The following CHN1 variants were observed in gnomAD, a reference collection of about 807,000 sequenced individuals.
The protein encoded by CHN1 is N-chimaerin.
CHN1 carries 37 observed loss-of-function variants against 59.5 expected under a neutral mutation model. That is an observed-to-expected ratio of 0.62 (90% confidence interval 0.48 to 0.82). The LOEUF (loss-of-function observed/expected upper bound fraction) is 0.82, where lower values mean the gene tolerates loss of function less well. CHN1 is among the 40% of genes least tolerant of loss of function. The pLI is 0.00. For synonymous variants in CHN1, 206 were observed against 200.4 expected, an observed-to-expected ratio of 1.03 and a Z score of -0.24; for missense variants, 469 against 571.0, an observed-to-expected ratio of 0.82 and a Z score of 1.82.
intron 7 of CHN1, among the ~76,000 whole-genome samples, chr2:174,831,107 A>G (rs1227134538): frequency 6.6e-6 from 1 of 152,230 alleles, no homozygotes; most frequent in Non-Finnish European, 1.5e-5. Flanking sequence ...AGGGCAATAC[A>G]GTAATTTAGT....
At chr2:174,882,990 C>A (rs1687780597) in intron 5 of CHN1, among the ~76,000 whole-genome samples, 1 of 152,298 alleles carries the variant, frequency 6.6e-6, no homozygotes, top group Admixed American at 6.5e-5. Flanking sequence ...TCTTGCTATA[C>A]AATTTTGGAT....
chr2:174,878,247 A>C, intron 5 of CHN1, 119 bp from the exon 6 acceptor site: 1 of 901,020 alleles, frequency 1.1e-6, no homozygotes, highest in Non-Finnish European at 1.6e-6. Flanking sequence ...TTCTTTGTTT[A>C]AATAAGCTGT....
intron 5 of CHN1, among the ~76,000 whole-genome samples, chr2:174,903,462 T>G (rs1221882256): frequency 6.6e-6 from 1 of 152,160 alleles, no homozygotes; most frequent in East Asian, 1.9e-4. Flanking sequence ...AGAAGTATAT[T>G]TTATGCATGA....
chr2:174,970,645 GGAT>G (rs1248639061), intron 1 of CHN1, among the ~76,000 whole-genome samples: 1 of 152,116 alleles, frequency 6.6e-6, no homozygotes, highest in Non-Finnish European at 1.5e-5. Context: ...GACAAACGTA[GGAT>G]AATACAGTAT....
intron 5 of CHN1, among the ~76,000 whole-genome samples, chr2:174,890,103 T>C (rs921895088): frequency 6.6e-6 from 1 of 152,144 alleles, no homozygotes. Flanking sequence ...GTAAATGGAT[T>C]AAACTCTCCA....
chr2:174,895,924 T>C (rs532525299), intron 5 of CHN1, among the ~76,000 whole-genome samples: 11 of 152,090 alleles, frequency 7.2e-5, no homozygotes, highest in East Asian at 3.8e-4. Context: ...AATCAAGACA[T>C]TGAAACATTT....
intron 9 of CHN1, 56 bp from the exon 10 acceptor site, chr2:174,811,644 C>A: frequency 9.4e-7 from 1 of 1,063,516 alleles, no homozygotes; most frequent in South Asian, 1.5e-5. Context: ...CAGATTTTAA[C>A]TCCTCACACT....
chr2:174,944,944 C>G lies in CHN1; in HGVS notation c.59-1G>C. ...GGGGCTTCCTGTTGTAGCTGATATA[C>G]TGTGAGAAGGTAGAAACAAAAAGTG... On this transcript the variant is annotated splice_acceptor_variant, in intron 2 of 12. Transcript: ENST00000409900. LOFTEE classifies it high-confidence loss of function. 1 of 1,569,316 alleles carries G rather than the reference C, an allele frequency of 6.4e-7. No individual in the cohort carries two copies. The highest frequency in any genetic ancestry group is 8.7e-7 in the Non-Finnish European group (1 of 1,155,146).
At chr2:174,925,482 C>T (rs1330684468) in intron 3 of CHN1, among the ~76,000 whole-genome samples, 1 of 152,208 alleles carries the variant, frequency 6.6e-6, no homozygotes, top group East Asian at 1.9e-4. Flanking sequence ...TTCATATAGC[C>T]AGGCCTTCCC....
intron 4 of CHN1, among the ~76,000 whole-genome samples, chr2:174,915,894 G>C (rs969283353): frequency 6.6e-6 from 1 of 152,124 alleles, no homozygotes; most frequent in Non-Finnish European, 1.5e-5. Context: ...TTTTTATAGC[G>C]ATTTACAATT....
intron 5 of CHN1, among the ~76,000 whole-genome samples, chr2:174,891,477 C>A (rs1274742697): frequency 6.7e-6 from 1 of 148,634 alleles, no homozygotes; most frequent in Non-Finnish European, 1.5e-5. Flanking sequence ...GGCTGAGGTA[C>A]AGAATTGCTC....
intron 8 of CHN1, among the ~76,000 whole-genome samples, chr2:174,820,211 A>G (rs1041164077): frequency 6.6e-6 from 1 of 152,100 alleles, no homozygotes; most frequent in African/African-American, 2.4e-5. Flanking sequence ...GTCAAATGGT[A>G]TTTCTAGTTC....
At chr2:174,817,384 T>C (rs1015166448) in intron 8 of CHN1, among the ~76,000 whole-genome samples, 2 of 152,070 alleles carry the variant, frequency 1.3e-5, no homozygotes, top group African/African-American at 4.8e-5. Flanking sequence ...AAAATTGTGA[T>C]GCATGCACAT....
intron 4 of CHN1, among the ~76,000 whole-genome samples, chr2:174,916,116 T>C (rs1688841385): frequency 6.6e-6 from 1 of 152,174 alleles, no homozygotes; most frequent in Admixed American, 6.5e-5. Context: ...TGTCCTCCCA[T>C]GAGTTTCAGC....
intron 5 of CHN1, among the ~76,000 whole-genome samples, chr2:174,886,237 A>C (rs2105342168): frequency 6.6e-6 from 1 of 152,366 alleles, no homozygotes; most frequent in Middle Eastern, 3.4e-3. Flanking sequence ...CAATGCTTTT[A>C]TTTAATCATT....
chr2:174,809,974 T>C (rs996203396), intron 10 of CHN1, among the ~76,000 whole-genome samples: 1 of 152,192 alleles, frequency 6.6e-6, no homozygotes, highest in Non-Finnish European at 1.5e-5. Context: ...CAGTCACTAT[T>C]TCCTAAGCTG....
chr2:174,999,798 C>A (rs774326785), intron 1 of CHN1, among the ~76,000 whole-genome samples: 64 of 151,996 alleles, frequency 4.2e-4, no homozygotes, highest in Middle Eastern at 3.4e-3. Context: ...CCTAAAAGGC[C>A]GGGAGAGGGA....
chr2:174,926,904 C>T (rs1469879627), intron 3 of CHN1, among the ~76,000 whole-genome samples: 22 of 151,994 alleles, frequency 1.4e-4, no homozygotes, highest in Non-Finnish European at 3.1e-4. Flanking sequence ...ACTAAAGGCG[C>T]CCGCCACCAC....
At chr2:174,884,758 T>G (rs1343334720) in intron 5 of CHN1, among the ~76,000 whole-genome samples, 1 of 152,166 alleles carries the variant, frequency 6.6e-6, no homozygotes, top group Non-Finnish European at 1.5e-5. Flanking sequence ...TATTATGCAT[T>G]TGAGGGATCC....
Sources: gnomAD v4.1 joint callset for allele counts (sites outside exome capture counted in the v4.1 genomes callset) on GRCh38, gnomAD v4.1.1 for gene constraint, MANE v1.5 for transcripts, NCBI Gene and HGNC (gene_info 2026-07-23, HGNC 2026-07-21) for gene names.